PCDHGA8: variants seen among roughly 807,000 people sequenced by gnomAD.
The protein encoded by PCDHGA8 is protocadherin gamma subfamily A, 8, also known as protocadherin gamma-A8.
Under a neutral mutation model 59.2 loss-of-function variants are expected in PCDHGA8, and 45 were observed. The observed-to-expected ratio is 0.76, with a 90% CI of 0.60 to 0.98. The LOEUF (loss-of-function observed/expected upper bound fraction) is 0.98. Ranked by LOEUF, PCDHGA8 falls within the 50% of genes least tolerant of loss-of-function variation. The pLI is 0.00. For synonymous variants in PCDHGA8, 531 were observed against 519.0 expected (o/e 1.02, Z -0.32); for missense variants, 1,257 against 1,196.2 (o/e 1.05, Z -0.75).
chr5:141,432,117 C>T lies in PCDHGA8; in HGVS notation c.2424+36880C>T, dbSNP rs761106133. The T allele has an allele frequency of 3.9e-5, 63 of 1,614,062 alleles. No individual in the cohort carries two copies. Among genetic ancestry groups the T allele is most frequent in the Non-Finnish European group, 4.2e-5 (50 of 1,180,048 alleles). On this transcript the variant is annotated intron_variant, in intron 1 of 3. Transcript: ENST00000398604. The surrounding 1 kb of genome is among the most constrained non-coding windows in gnomAD (Gnocchi z 6.0). ...ACCAACGACAACCCGCCGGTCTTCC[C>T]TCAGGCCTCCTATTCCGCTTATATC...
intron 1 of PCDHGA8, among the ~76,000 whole-genome samples, chr5:141,474,926 C>T (rs756761848): frequency 1.3e-5 from 2 of 152,218 alleles, no homozygotes; most frequent in Non-Finnish European, 2.9e-5. Context: ...TCATCTCTGG[C>T]TTATATCACA....
chr5:141,414,867 C>T (rs2095797355), intron 1 of PCDHGA8: 9 of 1,614,230 alleles, frequency 5.6e-6, no homozygotes, highest in South Asian at 1.1e-5. Flanking sequence ...ACAATGCGCC[C>T]GAGATCCTGT....
At position 141,510,993 on chromosome 5, in the gene PCDHGA8, G is replaced by A. The variant is rs1457918073; in HGVS notation, c.2619G>A (p.Met873Ile). The A allele has an allele frequency of 4.3e-6, 7 of 1,614,046 alleles. No homozygotes were observed. Among genetic ancestry groups the A allele is most frequent in the African/African-American group, 1.3e-5 (1 of 74,906 alleles). ...CCCTGGGAGGGGGTGCCGGCACCAT[G>A]GGATTGAGCGCCCGCTACGGACCCC... ...SSTLGGGAGT[M>I]GLSARYGPQF... The change falls in exon 4 of 4, where the codon ATG (methionine) becomes ATA (isoleucine). Residue 873 changes from methionine to isoleucine, a missense_variant. Transcript: ENST00000398604.
At chr5:141,481,220 C>T (rs896803040) in intron 1 of PCDHGA8, among the ~76,000 whole-genome samples, 1 of 152,130 alleles carries the variant, frequency 6.6e-6, no homozygotes, top group African/African-American at 2.4e-5. Context: ...GGTAAGGTCT[C>T]CCAGCCTTAA....
In PCDHGA8 at chr5:141,393,136, C is replaced by A. The variant is rs1188231861; in HGVS notation, c.323C>A (p.Thr108Asn). 3 of 1,613,306 alleles carry A rather than the reference C, an allele frequency of 1.9e-6. No homozygotes were observed. The highest frequency in any genetic ancestry group is 1.7e-5 in the Admixed American group (1 of 60,028). The change falls in exon 1 of 4, where the codon ACC (threonine) becomes AAC (asparagine). Residue 108 changes from threonine (T) to asparagine (N), a missense_variant. Thr to Asn is a moderately conservative substitution (Grantham distance 65). Transcript: ENST00000398604. Reference protein sequence around the residue: ...QSPRCLININTLVEDKGKLFG... With the variant: ...QSPRCLININNLVEDKGKLFG... ...CCGCGGTGTCTGATAAATATTAACA[C>A]CCTGGTTGAGGATAAAGGAAAACTC...
chr5:141,432,126 C>T lies in PCDHGA8; in HGVS notation c.2424+36889C>T. ...AACCCGCCGGTCTTCCCTCAGGCCTCCTATTCCGCTTATATCCCAGAGAAC... is the reference window on the plus strand; with the variant it reads ...AACCCGCCGGTCTTCCCTCAGGCCTTCTATTCCGCTTATATCCCAGAGAAC... On this transcript the variant is annotated intron_variant, in intron 1 of 3. Coordinates refer to ENST00000398604, the MANE Select transcript of PCDHGA8 (RefSeq NM_032088.2). This position sits in a 1 kb window ranked among gnomAD's most constrained non-coding sequence, Gnocchi z 6.0. The T allele has an allele frequency of 1.2e-6, 2 of 1,614,144 alleles. No homozygotes were observed. Among genetic ancestry groups the T allele is most frequent in the Non-Finnish European group, 1.7e-6 (2 of 1,180,028 alleles).
intron 1 of PCDHGA8, chr5:141,415,644 A>G: frequency 6.2e-7 from 1 of 1,600,070 alleles, no homozygotes; most frequent in Non-Finnish European, 8.5e-7. Flanking sequence ...CTTTTGTTAA[A>G]AAAAAAAAGA....
At position 141,476,744 on chromosome 5, in the gene PCDHGA8, CT is replaced by C; in HGVS notation, c.2425-18062del. ...CCTGGACCGAGAACGGGAGCCTAGT[CT>C]CCAGTTAGTGCTGACGGCGTTGGAC... is the stretch of plus-strand genomic sequence containing the variant. On this transcript the variant is annotated intron_variant, in intron 1 of 3. Coordinates refer to ENST00000398604, the MANE Select transcript of PCDHGA8 (RefSeq NM_032088.2). The surrounding 1 kb of genome is among the most constrained non-coding windows in gnomAD (Gnocchi z 7.6). 6.2e-7 allele frequency: 1 copy of C among 1,614,046 alleles called. No homozygotes were observed. Among genetic ancestry groups the C allele is most frequent in the East Asian group, 2.2e-5 (1 of 44,884 alleles).
chr5:141,491,291 C>T lies in PCDHGA8; in HGVS notation c.2425-3516C>T. 1 of 1,614,152 alleles carries T rather than the reference C, an allele frequency of 6.2e-7. No homozygotes were observed. The highest frequency in any genetic ancestry group is 8.5e-7 in the Non-Finnish European group (1 of 1,179,974). On this transcript the variant is annotated intron_variant, in intron 1 of 3. Coordinates refer to ENST00000398604, the MANE Select transcript of PCDHGA8 (RefSeq NM_032088.2). This position sits in a 1 kb window ranked among gnomAD's most constrained non-coding sequence, Gnocchi z 6.9. The stretch of plus-strand genomic sequence containing the variant: ...AAATCCAGTGACTTCCTCATACACC[C>T]TCCTGAGCGTTCAGACCTTACCCTT...
rs1177173734 is a variant in PCDHGA8, at chr5:141,491,741, G to T, written c.2425-3066G>T. 1.3e-6 allele frequency: 2 copies of T among 1,595,762 alleles called. No individual in the cohort carries two copies. On this transcript the variant is annotated intron_variant, in intron 1 of 3. Transcript: ENST00000398604. This position sits in a 1 kb window ranked among gnomAD's most constrained non-coding sequence, Gnocchi z 6.9. ...CCGCCCCGGGCGACCCCTGGGGGCG[G>T]CACTGGAGAAGCCGCCCGTCCTCAT... is the stretch of plus-strand genomic sequence containing the variant.
At chr5:141,413,702 T>G (rs1448671585) in intron 1 of PCDHGA8, 4 of 1,613,606 alleles carry the variant, frequency 2.5e-6, no homozygotes, top group Non-Finnish European at 3.4e-6. Flanking sequence ...AGCTATCAGC[T>G]CAGCCCCAAT....
intron 1 of PCDHGA8, chr5:141,415,797 C>G (rs940812419): frequency 3.9e-5 from 52 of 1,331,434 alleles, no homozygotes; most frequent in Non-Finnish European, 4.8e-5. Context: ...TTCACCTAGT[C>G]TCAATCAAGG....
chr5:141,476,977 C>T lies in PCDHGA8; in HGVS notation c.2425-17830C>T, dbSNP rs141692339. 3,083 of 1,614,232 alleles carry T rather than the reference C, an allele frequency of 1.9e-3. 52 individuals carry two copies. The African/African-American group carries it at 0.034, about 18-fold the overall frequency. Reference sequence around the variant, plus strand: ...TTATTTACTCCTTCGGCAGCCACAACCGCGCCGGCGTGCGGCAACTATTCG... The same window carrying T: ...TTATTTACTCCTTCGGCAGCCACAATCGCGCCGGCGTGCGGCAACTATTCG... On this transcript the variant is annotated intron_variant, in intron 1 of 3. Coordinates refer to ENST00000398604, the MANE Select transcript of PCDHGA8 (RefSeq NM_032088.2). This position sits in a 1 kb window ranked among gnomAD's most constrained non-coding sequence, Gnocchi z 7.6.
rs376515666 is a variant in PCDHGA8, at chr5:141,394,832, C to T, written c.2019C>T (p.Thr673=). Residue 673 remains threonine (T), a synonymous_variant, in exon 1 of 4, where the codon ACC becomes ACT. Coordinates refer to ENST00000398604, the MANE Select transcript of PCDHGA8 (RefSeq NM_032088.2). The part of the protein sequence containing the change: ...AVADSIPEVL[T]ELGSLKPSVD... The stretch of plus-strand genomic sequence containing the variant: ...CTGACAGCATCCCCGAAGTCCTGAC[C>T]GAGTTGGGCAGTCTGAAGCCTTCGG... The T allele has an allele frequency of 1.5e-5, 24 of 1,613,710 alleles. No individual in the cohort carries two copies. In the East Asian group the frequency reaches 3.3e-4, roughly 22 times the overall value.
intron 1 of PCDHGA8, chr5:141,423,339 C>T (rs1393650718): frequency 6.2e-7 from 1 of 1,614,072 alleles, no homozygotes; most frequent in Non-Finnish European, 8.5e-7. Flanking sequence ...TCTCCTGCAT[C>T]TTCCTGGTCT....
rs750139205 is a variant in PCDHGA8 at position 141,489,738 on chromosome 5, T to C, written c.2425-5069T>C. Reference sequence around the variant, plus strand: ...AGGATCCGGATGTGGGCACCAATACTGTGAGCTTTTACACTCTAAGCCCCA... The same window carrying C: ...AGGATCCGGATGTGGGCACCAATACCGTGAGCTTTTACACTCTAAGCCCCA... On this transcript the variant is annotated intron_variant, in intron 1 of 3. Coordinates refer to ENST00000398604, the MANE Select transcript of PCDHGA8 (RefSeq NM_032088.2). This position sits in a 1 kb window ranked among gnomAD's most constrained non-coding sequence, Gnocchi z 4.5. 1 of 1,614,168 alleles carries C rather than the reference T, an allele frequency of 6.2e-7. No individual in the cohort carries two copies. Among genetic ancestry groups the C allele is most frequent in the Non-Finnish European group, 8.5e-7 (1 of 1,180,030 alleles).
In PCDHGA8 at chr5:141,491,665, C is replaced by A; in HGVS notation, c.2425-3142C>A. 1 of 1,613,764 alleles carries A rather than the reference C, an allele frequency of 6.2e-7. No individual in the cohort carries two copies. Among genetic ancestry groups the A allele is most frequent in the Admixed American group, 1.7e-5 (1 of 60,034 alleles). On this transcript the variant is annotated intron_variant, in intron 1 of 3. Coordinates refer to ENST00000398604, the MANE Select transcript of PCDHGA8 (RefSeq NM_032088.2). The surrounding 1 kb of genome is among the most constrained non-coding windows in gnomAD (Gnocchi z 6.9). ...TCTGGCGCTGGAGCCTGACGCCATCCGGTCCCGCTCTAATACGCTGCGGGA... is the reference window on the plus strand; with the variant it reads ...TCTGGCGCTGGAGCCTGACGCCATCAGGTCCCGCTCTAATACGCTGCGGGA...
intron 1 of PCDHGA8, among the ~76,000 whole-genome samples, chr5:141,474,463 T>C (rs1447737626): frequency 6.6e-6 from 1 of 152,228 alleles, no homozygotes; most frequent in Admixed American, 6.5e-5. Flanking sequence ...GCTATACTCT[T>C]TATTCTAAAT....
At chr5:141,467,460 T>G (rs1354012953) in intron 1 of PCDHGA8, among the ~76,000 whole-genome samples, 1 of 152,246 alleles carries the variant, frequency 6.6e-6, no homozygotes. Context: ...CCAGTGCTAG[T>G]ACTTGCATGG....
Sources: allele counts gnomAD v4.1 joint callset (sites outside exome capture counted in the v4.1 genomes callset), GRCh38; gene constraint gnomAD v4.1.1; non-coding constraint Gnocchi (gnomAD v3.1); transcripts MANE v1.5; gene names NCBI Gene and HGNC (gene_info 2026-07-23, HGNC 2026-07-21).